The following RAI1 variants were observed in gnomAD, a reference collection of about 807,000 sequenced individuals.
RAI1 encodes the protein retinoic acid-induced protein 1.
RAI1 carries 9 observed loss-of-function variants against 123.8 expected under a neutral mutation model. The ratio of observed to expected loss-of-function variants is 0.07; its 90% CI spans 0.04 to 0.13. RAI1 has a LOEUF of 0.13. Ranked by LOEUF, RAI1 falls within the 10% of genes least tolerant of loss-of-function variation. The pLI is 1.00. For missense variants in RAI1, 2,256 were observed against 2,545.8 expected (o/e 0.89, Z 2.45); for synonymous variants, 1,231 against 1,127.3 (o/e 1.09, Z -1.84).
intron 4 of RAI1, among the ~76,000 whole-genome samples, chr17:17,807,897 G>C (rs576142547): frequency 1.3e-5 from 2 of 152,350 alleles, no homozygotes; most frequent in African/African-American, 4.8e-5. Flanking sequence ...CAGTTTCCAG[G>C]TCCGTGGCAC....
intron 2 of RAI1, among the ~76,000 whole-genome samples, chr17:17,784,249 G>C (rs372373803): frequency 6.6e-6 from 1 of 152,326 alleles, no homozygotes; most frequent in African/African-American, 2.4e-5. Context: ...GGGCTGGCCT[G>C]CTGTGCCTCC....
chr17:17,778,439 GTTTAA>G, intron 2 of RAI1: 2 of 290,866 alleles, frequency 6.9e-6, no homozygotes, highest in Admixed American at 4.4e-5. Context: ...AAAGTTTGCT[GTTTAA>G]TTTAGAGTAT....
intron 4 of RAI1, among the ~76,000 whole-genome samples, chr17:17,807,049 C>G (rs2032607939): frequency 6.6e-6 from 1 of 152,090 alleles, no homozygotes; most frequent in Non-Finnish European, 1.5e-5. Flanking sequence ...GAGGGCTCAT[C>G]AGAGCCCTGG....
intron 2 of RAI1, among the ~76,000 whole-genome samples, chr17:17,781,284 G>T (rs996378718): frequency 2.0e-5 from 3 of 152,208 alleles, no homozygotes; most frequent in African/African-American, 7.2e-5. Flanking sequence ...ACCTCCTTCA[G>T]GAGGGAGGTG....
At chr17:17,738,933 C>T (rs560236915) in intron 2 of RAI1, among the ~76,000 whole-genome samples, 5 of 152,284 alleles carry the variant, frequency 3.3e-5, no homozygotes, top group Admixed American at 2.6e-4. Flanking sequence ...CAGCCCAGCA[C>T]GCTGCCCGTA....
chr17:17,788,982 T>G (rs571428482), intron 2 of RAI1, among the ~76,000 whole-genome samples: 5 of 152,192 alleles, frequency 3.3e-5, no homozygotes, highest in Admixed American at 1.3e-4. Context: ...CACTGCCCAT[T>G]AGTGGACCCA....
At chr17:17,706,241 G>C (rs1250418956) in intron 1 of RAI1, among the ~76,000 whole-genome samples, 4 of 152,002 alleles carry the variant, frequency 2.6e-5, no homozygotes, top group Non-Finnish European at 4.4e-5. Flanking sequence ...TTGGGGGAGT[G>C]GGTCTGCTGG....
At chr17:17,721,349 C>T (rs942343179) in intron 1 of RAI1, among the ~76,000 whole-genome samples, 7 of 152,184 alleles carry the variant, frequency 4.6e-5, no homozygotes, top group African/African-American at 1.7e-4. Flanking sequence ...ACGGAAGATA[C>T]ACCAAGGAAC....
chr17:17,724,146 G>C lies in RAI1; in HGVS notation c.-30G>C, dbSNP rs1434436577. ...GCAGCGCCGGCGCCCGGGAGACCCA[G>C]GAGGAGCCCGCAGGTATTGTTGGCG... is the stretch of plus-strand genomic sequence containing the variant. On this transcript the variant is annotated 5_prime_UTR_variant, in exon 2 of 6. Coordinates refer to ENST00000353383, the MANE Select transcript of RAI1 (RefSeq NM_030665.4). The C allele has an allele frequency of 6.6e-6, 1 of 151,992 alleles. No individual in the cohort carries two copies. Among genetic ancestry groups the C allele is most frequent in the Admixed American group, 6.6e-5 (1 of 15,248 alleles). 9.4% of individuals were successfully genotyped at this position (151,992 alleles called of 1,614,324 possible).
rs1405210810 is a variant in RAI1, at chr17:17,797,512, G to A, written c.4564G>A (p.Ala1522Thr). ...EGRPCQPQTRAQKQPGHTNYS... is the reference protein window; with the variant it reads ...EGRPCQPQTRTQKQPGHTNYS... ...CAGGCCCTGCCAGCCCCAGACAAGG[G>A]CACAGAAACAGCCAGGCCACACCAA... The change falls in exon 3 of 6, where the codon GCA (alanine) becomes ACA (threonine). Residue 1522 changes from alanine to threonine, a missense_variant. Ala to Thr is a moderately conservative substitution (Grantham distance 58). Around this residue, in one of 7 missense-constraint regions of RAI1, gnomAD observed 410 missense variants for 374.6 expected, o/e 1.09. Coordinates refer to ENST00000353383, the MANE Select transcript of RAI1 (RefSeq NM_030665.4). 1.2e-6 allele frequency: 2 copies of A among 1,613,596 alleles called. No individual in the cohort carries two copies. The highest frequency in any genetic ancestry group is 2.2e-5 in the South Asian group (2 of 91,062).
chr17:17,723,518 T>TGC (rs1376565446), intron 1 of RAI1, among the ~76,000 whole-genome samples: 4 of 150,806 alleles, frequency 2.7e-5, no homozygotes, highest in African/African-American at 7.3e-5. Flanking sequence ...TACACACGCC[T>TGC]GCGCGCGCGC....
chr17:17,702,479 G>T (rs758584154), intron 1 of RAI1, among the ~76,000 whole-genome samples: 9 of 152,226 alleles, frequency 5.9e-5, no homozygotes, highest in Non-Finnish European at 8.8e-5. Context: ...TAGCAGTGGG[G>T]CCTGCTGCCC....
rs1598102707 is a variant in RAI1 at position 17,810,032 on chromosome 17, C to T, written c.*51C>T. On this transcript the variant is annotated 3_prime_UTR_variant, in exon 6 of 6. Transcript: ENST00000353383. This position sits in a 1 kb window ranked among gnomAD's most constrained non-coding sequence, Gnocchi z 4.6. ...CCGCCGGAGCCCGCCTGCCCGCCCGCCGCCGAAGGAGAGGAGCCGCCTGCG... is the reference window on the plus strand; with the variant it reads ...CCGCCGGAGCCCGCCTGCCCGCCCGTCGCCGAAGGAGAGGAGCCGCCTGCG... 6.5e-7 allele frequency: 1 copy of T among 1,542,914 alleles called. No homozygotes were observed. Among genetic ancestry groups the T allele is most frequent in the South Asian group, 1.2e-5 (1 of 83,692 alleles).
At chr17:17,702,576 G>A (rs1393726566) in intron 1 of RAI1, among the ~76,000 whole-genome samples, 1 of 152,230 alleles carries the variant, frequency 6.6e-6, no homozygotes, top group Admixed American at 6.5e-5. Context: ...GGAGCGTCAG[G>A]TGGCATCACA....
Position 17,796,991 on chromosome 17 carries a change from C to T in RAI1, c.4043C>T (p.Ala1348Val), listed in dbSNP as rs143396390. 815 of 1,613,728 alleles carry T rather than the reference C, an allele frequency of 5.1e-4. No individual in the cohort carries two copies. The highest frequency in any genetic ancestry group is 6.7e-4 in the Non-Finnish European group (789 of 1,180,044). The change falls in exon 3 of 6, where the codon GCG becomes GTG. Residue 1348 changes from alanine (A) to valine (V), a missense_variant. Physicochemically the swap from Ala to Val is moderately conservative, Grantham distance 64. Around this residue, in one of 7 missense-constraint regions of RAI1, gnomAD observed 322 missense variants for 358.0 expected, o/e 0.90. Transcript: ENST00000353383. The surrounding 1 kb of genome is among the most constrained non-coding windows in gnomAD (Gnocchi z 5.8). ...SPSLKKFACK[A>V]PGASPGNPLS... is the part of the protein sequence containing the mutation. ...AGCCTCAAGAAGTTCGCATGTAAAG[C>T]GCCAGGGGCCTCTCCTGGTAATCCT...
intron 1 of RAI1, among the ~76,000 whole-genome samples, chr17:17,712,097 A>T (rs1915583434): frequency 1.3e-5 from 2 of 152,232 alleles, no homozygotes; most frequent in South Asian, 2.1e-4. Context: ...CCAGTTTCTA[A>T]TGTCTGCGCT....
At chr17:17,785,343 C>T (rs1393928071) in intron 2 of RAI1, among the ~76,000 whole-genome samples, 1 of 152,218 alleles carries the variant, frequency 6.6e-6, no homozygotes, top group Non-Finnish European at 1.5e-5. Context: ...ACACAGAACC[C>T]AGCACCCCAA....
At chr17:17,716,795 G>A (rs1729292536) in intron 1 of RAI1, among the ~76,000 whole-genome samples, 2 of 152,216 alleles carry the variant, frequency 1.3e-5, no homozygotes. Context: ...GGACTCTGTT[G>A]TGGTCACCAC....
rs145188771 is a variant in RAI1 at position 17,739,979 on chromosome 17, C to T, written c.-17+15820C>T. 9.6e-4 allele frequency among the ~76,000 whole-genome samples: 146 copies of T among 152,372 alleles called. 1 individual carries two copies. The East Asian group carries it at 0.024, about 25-fold the overall frequency. On this transcript the variant is annotated intron_variant, in intron 2 of 5. Coordinates refer to ENST00000353383, the MANE Select transcript of RAI1 (RefSeq NM_030665.4). Reference sequence around the variant, plus strand: ...CTCACCGCGTGGCAGCTCCCTCTCCCCACTGGGAGTGGGGATGGAAGCCTC... The same window carrying T: ...CTCACCGCGTGGCAGCTCCCTCTCCTCACTGGGAGTGGGGATGGAAGCCTC...
Sources: allele counts gnomAD v4.1 joint callset (sites outside exome capture counted in the v4.1 genomes callset), GRCh38; gene constraint gnomAD v4.1.1; regional missense constraint gnomAD v4.1.1; non-coding constraint Gnocchi (gnomAD v3.1); transcripts MANE v1.5; gene names NCBI Gene and HGNC (gene_info 2026-07-23, HGNC 2026-07-21).